Variants in XKR4 observed in about 807,000 individuals in gnomAD.
XKR4 encodes XK related 4, also known as XK-related protein 4.
XKR4 carries 12 observed loss-of-function variants against 53.9 expected under a neutral mutation model. The observed-to-expected ratio is 0.22, with a 90% CI of 0.14 to 0.36. XKR4 has a LOEUF of 0.36. Ranked by LOEUF, XKR4 falls within the 10% of genes least tolerant of loss-of-function variation. The pLI is 1.00. For synonymous variants in XKR4, 354 were observed against 362.4 expected, an observed-to-expected ratio of 0.98 and a Z score of 0.26; for missense variants, 799 against 859.5, an observed-to-expected ratio of 0.93 and a Z score of 0.88.
At chr8:55,105,924 C>T (rs950895527) in intron 1 of XKR4, among the ~76,000 whole-genome samples, 18 of 152,108 alleles carry the variant, frequency 1.2e-4, no homozygotes, top group African/African-American at 3.9e-4. Flanking sequence ...GCTAATAAGC[C>T]GACGAAGTGC....
chr8:55,451,312 A>C, intron 2 of XKR4: 1 of 599,600 alleles, frequency 1.7e-6, no homozygotes, highest in Non-Finnish European at 3.0e-6. Context: ...TGCCGCCGCC[A>C]TGGGGTTAGA....
chr8:55,349,726 A>T (rs1044168320), intron 1 of XKR4, among the ~76,000 whole-genome samples: 2 of 152,210 alleles, frequency 1.3e-5, no homozygotes, highest in African/African-American at 2.4e-5. Flanking sequence ...TCGAACATGC[A>T]TTTTGTCCAC....
intron 1 of XKR4, among the ~76,000 whole-genome samples, chr8:55,190,361 A>AGT (rs1165887647): frequency 6.6e-6 from 1 of 152,246 alleles, no homozygotes; most frequent in East Asian, 1.9e-4. Context: ...CAGTGGTCAT[A>AGT]GCTCTATGAT....
intron 2 of XKR4, among the ~76,000 whole-genome samples, chr8:55,446,268 G>A (rs773703287): frequency 3.3e-5 from 5 of 152,286 alleles, no homozygotes; most frequent in South Asian, 2.1e-4. Flanking sequence ...TGCATAACAT[G>A]GGCTCAACCT....
intron 2 of XKR4, among the ~76,000 whole-genome samples, chr8:55,505,892 T>A (rs1806519071): frequency 6.6e-6 from 1 of 152,226 alleles, no homozygotes; most frequent in African/African-American, 2.4e-5. Flanking sequence ...GTAATTTGTT[T>A]TAAATCAGGC....
chr8:55,391,250 C>T (rs1355122837), intron 2 of XKR4, among the ~76,000 whole-genome samples: 1 of 152,102 alleles, frequency 6.6e-6, no homozygotes, highest in Non-Finnish European at 1.5e-5. Flanking sequence ...GGCCCGGAAA[C>T]CCTTCTCAGA....
chr8:55,176,926 T>C (rs1261158397), intron 1 of XKR4, among the ~76,000 whole-genome samples: 2 of 152,154 alleles, frequency 1.3e-5, no homozygotes, highest in Non-Finnish European at 2.9e-5. Flanking sequence ...CGAGGCAAAT[T>C]TGTGCGCAGC....
chr8:55,501,729 T>G (rs1806441373), intron 2 of XKR4, among the ~76,000 whole-genome samples: 1 of 152,134 alleles, frequency 6.6e-6, no homozygotes, highest in Non-Finnish European at 1.5e-5. Flanking sequence ...CATTCATCCA[T>G]CAGTAAACAT....
intron 1 of XKR4, among the ~76,000 whole-genome samples, chr8:55,167,718 A>C (rs1330558149): frequency 6.6e-6 from 1 of 152,224 alleles, no homozygotes; most frequent in Non-Finnish European, 1.5e-5. Context: ...GGAGTCACCA[A>C]CTAACAGATG....
rs1249075115 is a variant in XKR4, at chr8:55,537,002, T to C, written c.*12775T>C. The C allele has an allele frequency of 6.6e-6, 1 of 152,272 alleles. No homozygotes were observed. The highest frequency in any genetic ancestry group is 1.5e-5 in the Non-Finnish European group (1 of 68,052). The allele number at this position is 152,272 out of a possible 1,614,324, so 9.4% of individuals were successfully genotyped here. On this transcript the variant is annotated 3_prime_UTR_variant, in exon 3 of 3. Coordinates refer to ENST00000327381, the MANE Select transcript of XKR4 (RefSeq NM_052898.2). Reference sequence around the variant, plus strand: ...AAGTTTTAATTTTAAGCATTCCTTATGATATTTTTTAAGCCTAAAAACCAT... The same window carrying C: ...AAGTTTTAATTTTAAGCATTCCTTACGATATTTTTTAAGCCTAAAAACCAT...
intron 1 of XKR4, among the ~76,000 whole-genome samples, chr8:55,300,461 G>A (rs539128400): frequency 1.8e-4 from 27 of 152,162 alleles, no homozygotes; most frequent in Non-Finnish European, 3.5e-4. Flanking sequence ...GAGGTGGAGT[G>A]AAGGTGGGAG....
intron 1 of XKR4, among the ~76,000 whole-genome samples, chr8:55,189,294 CA>C (rs1817414903): frequency 6.6e-6 from 1 of 152,182 alleles, no homozygotes; most frequent in South Asian, 2.1e-4. Flanking sequence ...AACTTCCTTT[CA>C]AAGATGTAGT....
At chr8:55,392,657 G>A (rs148448024) in intron 2 of XKR4, among the ~76,000 whole-genome samples, 3,223 of 152,140 alleles carry the variant, frequency 0.021, 106 homozygotes, top group African/African-American at 0.073. Flanking sequence ...CAGGTGTGGT[G>A]GCGCATGCCT....
chr8:55,342,022 G>C (rs1407240169), intron 1 of XKR4, among the ~76,000 whole-genome samples: 1 of 152,066 alleles, frequency 6.6e-6, no homozygotes, highest in East Asian at 1.9e-4. Flanking sequence ...GCATCCAACT[G>C]TCTACTCAAG....
At chr8:55,491,630 GTTT>G (rs1806273694) in intron 2 of XKR4, among the ~76,000 whole-genome samples, 2 of 54,820 alleles carry the variant, frequency 3.6e-5, no homozygotes, top group Admixed American at 1.4e-4. Flanking sequence ...TTGGGGGTTT[GTTT>G]GTTTGTTTGT....
rs1805545015 is a variant in XKR4 at position 55,455,130 on chromosome 8, T to A, written c.1007-68151T>A. 4 of 622,614 alleles carry A rather than the reference T, an allele frequency of 6.4e-6. No individual in the cohort carries two copies. In the South Asian group the frequency reaches 6.8e-5, roughly 11 times the overall value. 38.6% of individuals were successfully genotyped at this position (622,614 alleles called of 1,614,324 possible). ...GCCACCAGCAGGAAGTAGTCTGTGA[T>A]CCGCGCCATGGGGAGGGACGCTGGG... On this transcript the variant is annotated intron_variant, in intron 2 of 2. Transcript: ENST00000327381.
chr8:55,209,462 G>A (rs890506226), intron 1 of XKR4, among the ~76,000 whole-genome samples: 5 of 152,150 alleles, frequency 3.3e-5, no homozygotes, highest in East Asian at 1.9e-4. Flanking sequence ...TTAATTCCAC[G>A]CTGTGCATCC....
chr8:55,344,333 G>A (rs182034217), intron 1 of XKR4, among the ~76,000 whole-genome samples: 65 of 152,090 alleles, frequency 4.3e-4, no homozygotes, highest in Middle Eastern at 6.8e-3. Flanking sequence ...ACAGACACTC[G>A]GTGCTTTCCT....
In XKR4 at chr8:55,388,522, T is replaced by C. The variant is rs374364338; in HGVS notation, c.1006+30645T>C. Among the ~76,000 whole-genome samples the C allele has an allele frequency of 7.9e-5, 12 of 152,320 alleles. No homozygotes were observed. The East Asian group carries it at 1.4e-3, about 17-fold the overall frequency. On this transcript the variant is annotated intron_variant, in intron 2 of 2. Coordinates refer to ENST00000327381, the MANE Select transcript of XKR4 (RefSeq NM_052898.2). The stretch of plus-strand genomic sequence containing the variant: ...CAGTTTCAGTGTATGGTGAGGCTGG[T>C]TCCTCATTCATAAGTGGTGCCTTCT...
Sources: allele counts gnomAD v4.1 joint callset (sites outside exome capture counted in the v4.1 genomes callset), GRCh38; gene constraint gnomAD v4.1.1; transcripts MANE v1.5; gene names NCBI Gene and HGNC (gene_info 2026-07-23, HGNC 2026-07-21).